Variants in GLIS3 observed in about 807,000 individuals in gnomAD.
The protein encoded by GLIS3 is GLIS family zinc finger 3.
GLIS3 carries 53 observed loss-of-function variants against 78.6 expected under a neutral mutation model. That is an observed-to-expected ratio of 0.67 (90% CI 0.54 to 0.85). The LOEUF (loss-of-function observed/expected upper bound fraction) is 0.85. GLIS3 is among the 40% of genes least tolerant of loss of function. The pLI is 0.00. For synonymous variants in GLIS3, 684 were observed against 509.9 expected, an observed-to-expected ratio of 1.34 and a Z score of -4.60; for missense variants, 1,703 against 1,231.1, an observed-to-expected ratio of 1.38 and a Z score of -5.74.
At chr9:4,206,921 T>C (rs988512657) in intron 2 of GLIS3, among the ~76,000 whole-genome samples, 1 of 152,220 alleles carries the variant, frequency 6.6e-6, no homozygotes, top group Non-Finnish European at 1.5e-5. Flanking sequence ...AAGTCCATGA[T>C]ACTGACAAAC....
At chr9:3,948,826 T>C (rs566369786) in intron 4 of GLIS3, among the ~76,000 whole-genome samples, 1 of 152,342 alleles carries the variant, frequency 6.6e-6, no homozygotes, top group East Asian at 1.9e-4. Flanking sequence ...TTATTTTATC[T>C]CTTTGTCATC....
intron 1 of GLIS3, among the ~76,000 whole-genome samples, chr9:4,286,827 T>C (rs1828043109): frequency 6.6e-6 from 1 of 152,198 alleles, no homozygotes; most frequent in Admixed American, 6.5e-5. Context: ...AAACTTATTT[T>C]GTTCCCTAGA....
intron 2 of GLIS3, among the ~76,000 whole-genome samples, chr9:4,158,371 C>G (rs970115380): frequency 2.0e-5 from 3 of 152,068 alleles, no homozygotes; most frequent in African/African-American, 4.8e-5. Flanking sequence ...TGTTACTGTC[C>G]CCTCTGTCAC....
chr9:3,908,657 T>A (rs1451036018), intron 6 of GLIS3, among the ~76,000 whole-genome samples: 1 of 152,064 alleles, frequency 6.6e-6, no homozygotes, highest in African/African-American at 2.4e-5. Context: ...ATGCGGGGAT[T>A]TTTTTCTAAT....
At chr9:4,285,841 A>G (rs1827941333) in intron 2 of GLIS3, 197 bp downstream of exon 2, 1 of 648,940 alleles carries the variant, frequency 1.5e-6, no homozygotes, top group African/African-American at 1.8e-5. Context: ...TCTCATACTC[A>G]GCATTTACCA....
chr9:4,380,312 T>C, the GLIS3 span, among the ~76,000 whole-genome samples: 2 of 152,128 alleles, frequency 1.3e-5, no homozygotes, highest in South Asian at 4.1e-4. Flanking sequence ...GTAATAAAAA[T>C]CTCTGTCACA....
At chr9:4,146,508 C>T (rs1285571874) in intron 2 of GLIS3, among the ~76,000 whole-genome samples, 7 of 152,216 alleles carry the variant, frequency 4.6e-5, no homozygotes, top group African/African-American at 1.7e-4. Context: ...AATGACTAAA[C>T]TGTCCTCATC....
chr9:4,185,759 GA>G (rs1227640174), intron 2 of GLIS3, among the ~76,000 whole-genome samples: 1 of 152,122 alleles, frequency 6.6e-6, no homozygotes, highest in Non-Finnish European at 1.5e-5. Flanking sequence ...ATCAGTTAGG[GA>G]CAAAGCTATA....
the GLIS3 span, among the ~76,000 whole-genome samples, chr9:4,459,193 G>T: frequency 6.6e-6 from 1 of 152,200 alleles, no homozygotes; most frequent in Non-Finnish European, 1.5e-5. Flanking sequence ...CTTGAACCAG[G>T]TGGTAAAGCT....
intron 2 of GLIS3, among the ~76,000 whole-genome samples, chr9:4,328,043 C>G (rs936170754): frequency 4.6e-5 from 7 of 152,184 alleles, no homozygotes; most frequent in Admixed American, 1.3e-4. Context: ...GTTCACTCTC[C>G]CACTCCTCAC....
At chr9:4,309,996 G>T (rs1392892146) in intron 3 of GLIS3, among the ~76,000 whole-genome samples, 1 of 152,162 alleles carries the variant, frequency 6.6e-6, no homozygotes, top group Non-Finnish European at 1.5e-5. Context: ...CTGTCTGAAC[G>T]CAAACAGCAT....
chr9:4,379,471 A>G, the GLIS3 span, among the ~76,000 whole-genome samples: 3 of 152,258 alleles, frequency 2.0e-5, no homozygotes, highest in Non-Finnish European at 2.9e-5. Flanking sequence ...GATTGACAAC[A>G]TTAGTCCCTT....
intron 2 of GLIS3, among the ~76,000 whole-genome samples, chr9:4,314,809 T>C (rs764360914): frequency 4.6e-5 from 7 of 152,330 alleles, no homozygotes; most frequent in South Asian, 4.1e-4. Flanking sequence ...TGAGCCTTCA[T>C]AGGGCTGTAG....
intron 7 of GLIS3, among the ~76,000 whole-genome samples, chr9:3,883,660 C>A (rs113427663): frequency 1.3e-3 from 191 of 152,320 alleles, no homozygotes; most frequent in Non-Finnish European, 2.1e-3. Context: ...AATCAGCCGA[C>A]ACACACAGGC....
intron 4 of GLIS3, among the ~76,000 whole-genome samples, chr9:3,939,118 G>A (rs1826060937): frequency 6.6e-6 from 1 of 152,108 alleles, no homozygotes; most frequent in Non-Finnish European, 1.5e-5. Context: ...CCATTTTGGG[G>A]CCAGCTCCCG....
chr9:4,252,791 T>G (rs1824523515), intron 2 of GLIS3, among the ~76,000 whole-genome samples: 1 of 152,128 alleles, frequency 6.6e-6, no homozygotes, highest in South Asian at 2.1e-4. Context: ...TGCGTGGGGT[T>G]TTTGTGTGGA....
rs1398963417 is a variant in GLIS3 at position 4,273,480 on chromosome 9, C to G, written c.388+12558G>C. On this transcript the variant is annotated intron_variant, in intron 2 of 10. Coordinates refer to ENST00000381971, the MANE Select transcript of GLIS3 (RefSeq NM_001042413.2). The stretch of plus-strand genomic sequence containing the variant: ...TGGTAGCTAATGCCTGTGGTCCCCA[C>G]TACTCAGGAGGCTGAGGTGGAATCA... 2.6e-5 allele frequency among the ~76,000 whole-genome samples: 4 copies of G among 152,210 alleles called. No homozygotes were observed. In the East Asian group the frequency reaches 7.7e-4, roughly 29 times the overall value.
chr9:4,397,229 T>C, the GLIS3 span, among the ~76,000 whole-genome samples: 2 of 134,074 alleles, frequency 1.5e-5, 1 homozygote, highest in East Asian at 4.5e-4. Flanking sequence ...GTTTCACCGT[T>C]TTAGCCGGGA....
At chr9:3,836,214 G>A (rs1360978490) in intron 9 of GLIS3, among the ~76,000 whole-genome samples, 1 of 152,230 alleles carries the variant, frequency 6.6e-6, no homozygotes, top group African/African-American at 2.4e-5. Context: ...CTGGGTAGAA[G>A]AATAAGCAGA....
Sources: allele counts gnomAD v4.1 joint callset (sites outside exome capture counted in the v4.1 genomes callset), GRCh38; gene constraint gnomAD v4.1.1; transcripts MANE v1.5; gene names NCBI Gene and HGNC (gene_info 2026-07-23, HGNC 2026-07-21).